The following C11orf65 variants were observed in gnomAD, a reference collection of about 807,000 sequenced individuals.
C11orf65 encodes chromosome 11 open reading frame 65, also known as protein MFI.
C11orf65 carries 38 observed loss-of-function variants against 35.3 expected under a neutral mutation model. The ratio of observed to expected loss-of-function variants is 1.08; its 90% confidence interval spans 0.83 to 1.41. The LOEUF is 1.41. Among genes scored for constraint, C11orf65 ranks in the 40% most tolerant of loss-of-function variants. The pLI is 0.00. For synonymous variants in C11orf65, 105 were observed against 114.4 expected (o/e 0.92, Z 0.53); for missense variants, 370 against 367.1 (o/e 1.01, Z -0.06).
At chr11:108,463,090 C>T (rs1032125495) in intron 1 of C11orf65, among the ~76,000 whole-genome samples, 2 of 152,150 alleles carry the variant, frequency 1.3e-5, no homozygotes, top group African/African-American at 4.8e-5. Context: ...TGCACCACTG[C>T]ACTCCAGCCT....
At chr11:108,453,158 G>GA (rs1475459872) in intron 2 of C11orf65, among the ~76,000 whole-genome samples, 1 of 130,804 alleles carries the variant, frequency 7.6e-6, no homozygotes. Context: ...AAAAAAAAAA[G>GA]AAAAAAGAAA....
intron 3 of C11orf65, among the ~76,000 whole-genome samples, chr11:108,414,486 A>G (rs1441341476): frequency 6.6e-6 from 1 of 152,072 alleles, no homozygotes; most frequent in African/African-American, 2.4e-5. Flanking sequence ...CCAATTCCCT[A>G]AAGACATAAT....
Position 108,424,605 on chromosome 11 carries a change from A to G in C11orf65, c.174+7141T>C, listed in dbSNP as rs2092873066. Among the ~76,000 whole-genome samples, 4 of 152,174 alleles carry G rather than the reference A, an allele frequency of 2.6e-5. No individual in the cohort carries two copies. The South Asian group carries it at 8.3e-4, about 32-fold the overall frequency. On this transcript the variant is annotated intron_variant, in intron 3 of 8. Coordinates refer to ENST00000393084, the MANE Select transcript of C11orf65 (RefSeq NM_152587.5). ...CCTGTCAACATTAGACAGATCAACG[A>G]GACAGAAAATTAACAAGGATATTCA...
At chr11:108,437,707 TAAAAAAAA>T (rs145337876) in intron 2 of C11orf65, among the ~76,000 whole-genome samples, 35 of 38,032 alleles carry the variant, frequency 9.2e-4, no homozygotes, top group Middle Eastern at 0.017. Flanking sequence ...GACTCAGTCT[TAAAAAAAA>T]AAAAAAAAAA....
chr11:108,320,448 T>C (rs993826961), intron 6 of C11orf65, among the ~76,000 whole-genome samples: 4 of 152,226 alleles, frequency 2.6e-5, no homozygotes, highest in Non-Finnish European at 4.4e-5. Flanking sequence ...GAGGAAATAA[T>C]TATAATGGGG....
chr11:108,367,230 A>G, intron 2 of C11orf65: 1 of 178,164 alleles, frequency 5.6e-6, no homozygotes, highest in Non-Finnish European at 1.2e-5. Context: ...CTCGTGATCC[A>G]CCCTCCTCGG....
Position 108,385,960 on chromosome 11 carries a change from C to T in C11orf65, c.747G>A (p.Trp249Ter), listed in dbSNP as rs969561067. 1.2e-6 allele frequency: 2 copies of T among 1,613,740 alleles called. No individual in the cohort carries two copies. Among genetic ancestry groups the T allele is most frequent in the African/African-American group, 2.7e-5 (2 of 74,928 alleles). ...TLNFDEYIAS[W>*]KEIATSNSSA... ...AAGAGTTGCTTGTAGCAATTTCCTT[C>T]CAGCTGGCAATGTACCTAAGCACAT... Residue 249 changes from tryptophan (W) to a stop codon, truncating the protein, a stop_gained, in exon 8 of 9, where the codon TGG (tryptophan) becomes TGA (stop). Coordinates refer to ENST00000393084, the MANE Select transcript of C11orf65 (RefSeq NM_152587.5). LOFTEE classifies it low-confidence loss of function (END_TRUNC).
At chr11:108,365,015 C>T (rs2137859231) in intron 2 of C11orf65, 1 of 1,560,804 alleles carries the variant, frequency 6.4e-7, no homozygotes, top group Non-Finnish European at 8.8e-7. Flanking sequence ...GATACTGGTT[C>T]TACTGTTTCT....
chr11:108,353,863 T>C lies in C11orf65; in HGVS notation c.227-18571A>G, dbSNP rs1591307335. The C allele has an allele frequency of 6.2e-7, 1 of 1,613,350 alleles. No homozygotes were observed. Among genetic ancestry groups the C allele is most frequent in the African/African-American group, 1.3e-5 (1 of 75,008 alleles). ...TGGATGGCATGGGCATTACGGGTGT[T>C]GAAGGTGTCTTCAGAAGGTAAGTGA... On this transcript the variant is annotated intron_variant, in intron 2 of 3. Coordinates refer to the C11orf65 transcript ENST00000524755.
intron 6 of C11orf65, among the ~76,000 whole-genome samples, chr11:108,322,654 A>G (rs2085322028): frequency 6.6e-6 from 1 of 152,184 alleles, no homozygotes; most frequent in African/African-American, 2.4e-5. Flanking sequence ...TTTTATCAAG[A>G]TATAAGTTGA....
intron 6 of C11orf65, among the ~76,000 whole-genome samples, chr11:108,324,370 T>C (rs1412629928): frequency 1.3e-5 from 2 of 152,132 alleles, no homozygotes; most frequent in African/African-American, 4.8e-5. Flanking sequence ...TTGTTATTTA[T>C]GATATATAGT....
intron 2 of C11orf65, among the ~76,000 whole-genome samples, chr11:108,371,491 CTCTT>C (rs2091575324): frequency 6.6e-6 from 1 of 152,172 alleles, no homozygotes; most frequent in South Asian, 2.1e-4. Flanking sequence ...CAATATTTGT[CTCTT>C]TGTGACTAGC....
At chr11:108,322,068 T>C (rs2085273792) in intron 6 of C11orf65, among the ~76,000 whole-genome samples, 1 of 152,228 alleles carries the variant, frequency 6.6e-6, no homozygotes. Flanking sequence ...TATCTCTGCC[T>C]TGCTAAACTA....
chr11:108,379,169 C>G (rs541234661), downstream of C11orf65, among the ~76,000 whole-genome samples: 1 of 152,132 alleles, frequency 6.6e-6, no homozygotes, highest in Non-Finnish European at 1.5e-5. Context: ...TATAAAGACA[C>G]ATGCACACGT....
intron 2 of C11orf65, among the ~76,000 whole-genome samples, chr11:108,438,551 G>C (rs1209941895): frequency 1.4e-5 from 2 of 141,998 alleles, no homozygotes; most frequent in East Asian, 4.1e-4. Flanking sequence ...ATTTCGTCTG[G>C]AAAAAAAAAA....
At chr11:108,398,052 T>C (rs2092360168) in intron 6 of C11orf65, among the ~76,000 whole-genome samples, 2 of 152,126 alleles carry the variant, frequency 1.3e-5, no homozygotes. Flanking sequence ...AAGATGAAGA[T>C]GTTGTTGCCA....
intron 2 of C11orf65, among the ~76,000 whole-genome samples, chr11:108,359,796 AGT>A (rs1348413038): frequency 6.6e-6 from 1 of 152,178 alleles, no homozygotes; most frequent in African/African-American, 2.4e-5. Context: ...CATTCAAAGC[AGT>A]GTGTAGAGGG....
intron 6 of C11orf65, among the ~76,000 whole-genome samples, chr11:108,316,533 G>C (rs1306853185): frequency 6.6e-6 from 1 of 152,014 alleles, no homozygotes; most frequent in African/African-American, 2.4e-5. Flanking sequence ...ATACTCCTTA[G>C]CCATTCTTCC....
chr11:108,347,974 G>A (rs2088662864), intron 2 of C11orf65, among the ~76,000 whole-genome samples: 1 of 152,192 alleles, frequency 6.6e-6, no homozygotes, highest in African/African-American at 2.4e-5. Flanking sequence ...TACTAAAGTT[G>A]TAGAAACCAG....
Sources: gnomAD v4.1 joint callset for allele counts (sites outside exome capture counted in the v4.1 genomes callset) on GRCh38, gnomAD v4.1.1 for gene constraint, MANE v1.5 for transcripts, NCBI Gene and HGNC (gene_info 2026-07-23, HGNC 2026-07-21) for gene names.